GAS7: variants seen among roughly 807,000 people sequenced by gnomAD.
GAS7 encodes growth arrest specific 7, also known as growth arrest-specific protein 7.
In GAS7, 28 loss-of-function variants were observed where a neutral mutation model predicts 71.1. The observed-to-expected ratio is 0.39, with a 90% CI of 0.29 to 0.54. The LOEUF (loss-of-function observed/expected upper bound fraction) is 0.54, where lower values mean the gene tolerates loss of function less well. GAS7 is among the 20% of genes least tolerant of loss of function. GAS7 has a pLI of 0.62. For missense variants in GAS7, 436 were observed against 627.8 expected (o/e 0.69, Z 3.27); for synonymous variants, 258 against 245.8 (o/e 1.05, Z -0.46).
chr17:10,166,202 TTAG>T (rs1323171581), intron 1 of GAS7, among the ~76,000 whole-genome samples: 1 of 152,058 alleles, frequency 6.6e-6, no homozygotes, highest in Middle Eastern at 3.2e-3. Flanking sequence ...TTTTTAATTT[TTAG>T]TAGAGACAGG....
chr17:9,919,513 T>C lies in GAS7; in HGVS notation c.1218+113A>G, dbSNP rs946999481. ...GACCCCAACACTGAAGTAGATTTGA[T>C]GACCATCTCCAGGGTCACTCCACCC... is the stretch of plus-strand genomic sequence containing the variant. On this transcript the variant is annotated intron_variant, in intron 12 of 13. Coordinates refer to ENST00000432992, the MANE Select transcript of GAS7 (RefSeq NM_201433.2). The surrounding 1 kb of genome is among the most constrained non-coding windows in gnomAD (Gnocchi z 5.0). 47 of 802,578 alleles carry C rather than the reference T, an allele frequency of 5.9e-5. No individual in the cohort carries two copies. Among genetic ancestry groups the C allele is most frequent in the Non-Finnish European group, 9.2e-5 (41 of 446,936 alleles). 49.7% of individuals were successfully genotyped at this position (802,578 alleles called of 1,614,324 possible). A position where few individuals can be genotyped will look rare whatever the true frequency, so the allele number is the denominator to read the frequency against.
intron 1 of GAS7, among the ~76,000 whole-genome samples, chr17:10,099,671 C>T (rs901293734): frequency 2.2e-4 from 33 of 152,144 alleles, no homozygotes; most frequent in Non-Finnish European, 1.5e-5. Context: ...TGTACATATA[C>T]AACTCTTCAT....
intron 1 of GAS7, among the ~76,000 whole-genome samples, chr17:10,079,082 T>C (rs2073428023): frequency 6.6e-6 from 1 of 152,102 alleles, no homozygotes; most frequent in African/African-American, 2.4e-5. Context: ...GAGGATGCAG[T>C]GAGCTATGAT....
rs144007205 is a variant in GAS7, at chr17:9,940,796, C to T, written c.732-596G>A. Among the ~76,000 whole-genome samples, 1,140 of 152,320 alleles carry T rather than the reference C, an allele frequency of 7.5e-3. 6 individuals carry two copies. Among genetic ancestry groups the T allele is most frequent in the African/African-American group, 0.026 (1,060 of 41,550 alleles). On this transcript the variant is annotated intron_variant, in intron 7 of 13. Transcript: ENST00000432992. ...GGAAAGTTGCCTTGGATGTAGCTTC[C>T]GGCAGGCAGGCCTTTGACACATTTG...
chr17:9,915,818 C>T lies in GAS7; in HGVS notation c.*1410G>A, dbSNP rs545413311. On this transcript the variant is annotated 3_prime_UTR_variant, in exon 14 of 14. Transcript: ENST00000432992. The stretch of plus-strand genomic sequence containing the variant: ...ATCTGCCCCTCGCTCATGCTTCTCC[C>T]GGCCCCTTTAGACTCTTTAGACTGA... The T allele has an allele frequency of 3.9e-5, 9 of 230,986 alleles. No individual in the cohort carries two copies. The South Asian group carries it at 7.3e-4, about 19-fold the overall frequency. The allele number at this position is 230,986 out of a possible 1,614,324, so 14.3% of individuals were successfully genotyped here. A position where few individuals can be genotyped will look rare whatever the true frequency, so the allele number is the denominator to read the frequency against.
chr17:10,155,248 T>C (rs2074197185), intron 1 of GAS7, among the ~76,000 whole-genome samples: 1 of 152,082 alleles, frequency 6.6e-6, no homozygotes, highest in South Asian at 2.1e-4. Context: ...ACTCCTGACC[T>C]CAGGTGATCC....
chr17:10,166,887 C>T (rs1436694889), intron 1 of GAS7, among the ~76,000 whole-genome samples: 3 of 152,094 alleles, frequency 2.0e-5, no homozygotes, highest in Admixed American at 1.3e-4. Flanking sequence ...CAGGCACATT[C>T]GATCAAAGGC....
Position 9,926,874 on chromosome 17 carries a change from G to A in GAS7, c.886-105C>T, listed in dbSNP as rs1041270575. On this transcript the variant is annotated intron_variant, in intron 9 of 13. Transcript: ENST00000432992. The surrounding 1 kb of genome is among the most constrained non-coding windows in gnomAD (Gnocchi z 5.0). ...CACCCCCACTTCCCCAGGCAAGTGA[G>A]GATGAGTCTGGGGTAGCGACCTGGC... 8.0e-7 allele frequency: 1 copy of A among 1,250,890 alleles called. No individual in the cohort carries two copies. Among genetic ancestry groups the A allele is most frequent in the Non-Finnish European group, 1.2e-6 (1 of 859,084 alleles). 77.5% of individuals were successfully genotyped at this position (1,250,890 alleles called of 1,614,324 possible).
chr17:10,161,713 T>C (rs2074257228), intron 1 of GAS7, among the ~76,000 whole-genome samples: 3 of 152,132 alleles, frequency 2.0e-5, no homozygotes, highest in African/African-American at 7.2e-5. Flanking sequence ...CCAAAAAACA[T>C]ACAATGATGG....
intron 5 of GAS7, among the ~76,000 whole-genome samples, chr17:9,948,249 T>C (rs1449488583): frequency 1.3e-5 from 2 of 152,240 alleles, no homozygotes; most frequent in East Asian, 3.8e-4. Flanking sequence ...ATCTGGTTAT[T>C]TGCATATAGA....
intron 1 of GAS7, among the ~76,000 whole-genome samples, chr17:10,152,180 C>G (rs1045322679): frequency 4.6e-5 from 7 of 152,138 alleles, no homozygotes; most frequent in African/African-American, 1.4e-4. Context: ...AACTTAGCAA[C>G]GTATCTTGGT....
chr17:10,162,719 C>T (rs1233141379), intron 1 of GAS7, among the ~76,000 whole-genome samples: 3 of 152,158 alleles, frequency 2.0e-5, no homozygotes, highest in African/African-American at 7.2e-5. Flanking sequence ...TAAAAATGTT[C>T]AAATGCTAAG....
intron 1 of GAS7, among the ~76,000 whole-genome samples, chr17:10,190,940 C>T (rs536134804): frequency 6.6e-6 from 1 of 151,828 alleles, no homozygotes; most frequent in East Asian, 1.9e-4. Flanking sequence ...CTTTGGGAGG[C>T]CAAGGCAGGT....
intron 3 of GAS7, among the ~76,000 whole-genome samples, chr17:9,971,028 T>C (rs1367442519): frequency 6.6e-6 from 1 of 152,196 alleles, no homozygotes; most frequent in Non-Finnish European, 1.5e-5. Context: ...CTGACCTACT[T>C]TGTTGGTGTG....
At chr17:10,083,513 G>T (rs2073480218) in intron 1 of GAS7, among the ~76,000 whole-genome samples, 1 of 152,228 alleles carries the variant, frequency 6.6e-6, no homozygotes, top group African/African-American at 2.4e-5. Flanking sequence ...TCTGCCGCAG[G>T]AGGTGCCCTG....
At chr17:10,099,681 T>C (rs2073679920) in intron 1 of GAS7, among the ~76,000 whole-genome samples, 1 of 152,102 alleles carries the variant, frequency 6.6e-6, no homozygotes, top group Non-Finnish European at 1.5e-5. Context: ...CAACTCTTCA[T>C]TTTGAAAGGG....
chr17:10,019,753 G>T (rs774297793), intron 2 of GAS7, 24 bp downstream of exon 2: 1 of 1,605,696 alleles, frequency 6.2e-7, no homozygotes, highest in South Asian at 1.1e-5. Context: ...GTTGGTGCAG[G>T]ATTCTCCCCC....
At chr17:10,012,245 T>G (rs1344977832) in intron 2 of GAS7, among the ~76,000 whole-genome samples, 3 of 152,190 alleles carry the variant, frequency 2.0e-5, no homozygotes, top group South Asian at 2.1e-4. Flanking sequence ...TATGACTATA[T>G]TAAGTGAAGA....
Position 9,919,484 on chromosome 17 carries a change from T to C in GAS7, c.1218+142A>G. ...CCACATAAGCTGGCTCACATTGAGG[T>C]TTCGACCCCAACACTGAAGTAGATT... On this transcript the variant is annotated intron_variant, in intron 12 of 13. Coordinates refer to ENST00000432992, the MANE Select transcript of GAS7 (RefSeq NM_201433.2). This position sits in a 1 kb window ranked among gnomAD's most constrained non-coding sequence, Gnocchi z 5.0. 1.4e-6 allele frequency: 1 copy of C among 726,626 alleles called. No individual in the cohort carries two copies. The highest frequency in any genetic ancestry group is 2.0e-5 in the Admixed American group (1 of 50,730). 45.0% of individuals were successfully genotyped at this position (726,626 alleles called of 1,614,324 possible).
Sources: gnomAD v4.1 joint callset for allele counts (sites outside exome capture counted in the v4.1 genomes callset) on GRCh38, gnomAD v4.1.1 for gene constraint, Gnocchi (gnomAD v3.1) non-coding constraint, MANE v1.5 for transcripts, NCBI Gene and HGNC (gene_info 2026-07-23, HGNC 2026-07-21) for gene names.